Variants in SCNN1A observed in about 807,000 individuals in gnomAD.
SCNN1A encodes epithelial sodium channel subunit alpha.
SCNN1A carries 65 observed loss-of-function variants against 68.6 expected under a neutral mutation model. That is an observed-to-expected ratio of 0.95 (90% CI 0.78 to 1.16). SCNN1A has a LOEUF of 1.16. Among genes scored for constraint, SCNN1A ranks in the 50% most tolerant of loss-of-function variants. The pLI is 0.00. For missense variants in SCNN1A, 880 were observed against 865.9 expected, an observed-to-expected ratio of 1.02 and a Z score of -0.20; for synonymous variants, 357 against 353.3, an observed-to-expected ratio of 1.01 and a Z score of -0.12.
At chr12:6,359,072 G>A (rs1948542421) in intron 4 of SCNN1A, among the ~76,000 whole-genome samples, 1 of 152,126 alleles carries the variant, frequency 6.6e-6, no homozygotes, top group Non-Finnish European at 1.5e-5. Flanking sequence ...GCAGAAGAGT[G>A]GCTCTCAGGG....
chr12:6,349,455 TACCCCAC>T, intron 8 of SCNN1A, 50 bp from the exon 9 acceptor site: 1 of 1,358,830 alleles, frequency 7.4e-7, no homozygotes, highest in Non-Finnish European at 1.0e-6. Context: ...CAGCTTTCTC[TACCCCAC>T]ACCCAAGAGG....
In SCNN1A at chr12:6,369,615, G is replaced by A. The variant is rs576066876; in HGVS notation, c.416+4753C>T. Among the ~76,000 whole-genome samples, 280 of 152,198 alleles carry A rather than the reference G, an allele frequency of 1.8e-3. 4 individuals carry two copies. The highest frequency in any genetic ancestry group is 6.0e-3 in the African/African-American group (249 of 41,498). ...TGGGAGGCCGAGGATGGTGGATCACGAGGTCAGGAGATTGAGACCATCCTG... is the reference window on the plus strand; with the variant it reads ...TGGGAGGCCGAGGATGGTGGATCACAAGGTCAGGAGATTGAGACCATCCTG... On this transcript the variant is annotated intron_variant, in intron 2 of 12. Transcript: ENST00000228916.
At chr12:6,375,250 C>T (rs1464182089) in intron 1 of SCNN1A, 2 of 1,438,576 alleles carry the variant, frequency 1.4e-6, no homozygotes, top group East Asian at 2.5e-5. Flanking sequence ...CTGCTCTCCT[C>T]TTTCTGGCCT....
At chr12:6,349,731 A>C in intron 8 of SCNN1A, 1 of 257,364 alleles carries the variant, frequency 3.9e-6, no homozygotes. Context: ...TTTTTAATAA[A>C]TTAATTTTTT....
In SCNN1A at chr12:6,349,199, C is replaced by G. The variant is rs761519316; in HGVS notation, c.1462G>C (p.Ala488Pro). The change falls in exon 10 of 13, where the codon GCT becomes CCT. Residue 488 changes from alanine to proline, a missense_variant. Physicochemically the swap from Ala to Pro is conservative, Grantham distance 27 (BLOSUM62 -1). This residue lies in a region of SCNN1A where 758 missense variants were observed against 721.8 expected (regional missense o/e 1.05). Transcript: ENST00000228916. ...ACCGAGGGCCATCGTGAGTAACCAG[C>G]AGAGAGCTGGTAGCTGGTCACGCTG... ...PCSVTSYQLS[A>P]GYSRWPSVTS... 1 of 1,614,170 alleles carries G rather than the reference C, an allele frequency of 6.2e-7. No individual in the cohort carries two copies. The highest frequency in any genetic ancestry group is 1.1e-5 in the South Asian group (1 of 91,082).
chr12:6,366,886 GGTGT>G (rs1038270240), intron 2 of SCNN1A, among the ~76,000 whole-genome samples: 2 of 152,060 alleles, frequency 1.3e-5, no homozygotes, highest in African/African-American at 4.8e-5. Flanking sequence ...GCAACTCAAA[GGTGT>G]GTTGAAGGTG....
intron 2 of SCNN1A, among the ~76,000 whole-genome samples, chr12:6,364,631 G>A (rs1400738349): frequency 1.3e-5 from 2 of 151,996 alleles, no homozygotes; most frequent in South Asian, 4.2e-4. Flanking sequence ...GCTTGGTGGC[G>A]GGCGCCTGTA....
intron 2 of SCNN1A, among the ~76,000 whole-genome samples, chr12:6,370,452 C>G (rs1355547448): frequency 6.6e-6 from 1 of 152,224 alleles, no homozygotes; most frequent in Non-Finnish European, 1.5e-5. Context: ...GAGGCTGACA[C>G]TCTGCTCTCT....
In SCNN1A at chr12:6,363,455, G is replaced by C; in HGVS notation, c.672C>G (p.Ile224Met). ...NPQVDWKDWK[I>M]GFQLCNQNKS... ...CTGCGGGCCTCACCAGCTGGAAGCC[G>C]ATCTTCCAGTCCTTCCAGTCCACCT... Residue 224 changes from isoleucine (I) to methionine (M), a missense_variant, in exon 3 of 13, where the codon ATC becomes ATG. This residue lies in a region of SCNN1A where 758 missense variants were observed against 721.8 expected (regional missense o/e 1.05). Coordinates refer to ENST00000228916, the MANE Select transcript of SCNN1A (RefSeq NM_001038.6). 2 of 1,591,960 alleles carry C rather than the reference G, an allele frequency of 1.3e-6. No individual in the cohort carries two copies. Among genetic ancestry groups the C allele is most frequent in the Non-Finnish European group, 1.7e-6 (2 of 1,171,064 alleles).
intron 2 of SCNN1A, among the ~76,000 whole-genome samples, chr12:6,371,349 C>G (rs1948786440): frequency 1.3e-5 from 2 of 152,106 alleles, no homozygotes; most frequent in South Asian, 4.2e-4. Flanking sequence ...ACAAATTGTC[C>G]TCCAATGACT....
rs368229905 is a variant in SCNN1A at position 6,362,009 on chromosome 12, C to T, written c.875+42G>A. The T allele has an allele frequency of 1.9e-5, 30 of 1,603,682 alleles. No individual in the cohort carries two copies. The Middle Eastern group carries it at 7.5e-4, about 40-fold the overall frequency. ...AGGGCGTGAGGCTGACCCAGGGAAG[C>T]GGACCCCGCGGAGAGCAAGGAGCCA... On this transcript the variant is annotated intron_variant, in intron 4 of 12. Coordinates refer to ENST00000228916, the MANE Select transcript of SCNN1A (RefSeq NM_001038.6).
intron 2 of SCNN1A, among the ~76,000 whole-genome samples, chr12:6,364,543 C>T (rs943149988): frequency 6.6e-6 from 1 of 151,888 alleles, no homozygotes; most frequent in African/African-American, 2.4e-5. Context: ...ATCACGGGGT[C>T]AGGGTATCGA....
chr12:6,366,223 A>G (rs1948677563), intron 2 of SCNN1A, among the ~76,000 whole-genome samples: 1 of 152,218 alleles, frequency 6.6e-6, no homozygotes, highest in African/African-American at 2.4e-5. Context: ...TGATACGATC[A>G]TTTTGGAAAA....
At chr12:6,358,859 CAAAAAAAAAAA>C (rs35673511) in intron 4 of SCNN1A, among the ~76,000 whole-genome samples, 2 of 83,604 alleles carry the variant, frequency 2.4e-5, no homozygotes, top group Admixed American at 1.5e-4. Flanking sequence ...GAACCTGTCT[CAAAAAAAAAAA>C]AAAAAAAAAG....
upstream of SCNN1A, chr12:6,375,870 G>A (rs898904067): frequency 1.6e-5 from 21 of 1,296,368 alleles, no homozygotes; most frequent in South Asian, 9.1e-5. Context: ...TGGGGAACCG[G>A]GAGGACAGGA....
rs755461944 is a variant in SCNN1A at position 6,355,291 on chromosome 12, G to T, written c.1124C>A (p.Thr375Asn). The T allele has an allele frequency of 1.2e-6, 2 of 1,613,308 alleles. No homozygotes were observed. The highest frequency in any genetic ancestry group is 1.7e-6 in the Non-Finnish European group (2 of 1,179,656). ...CCTTGCCTTCCTCATGCTGATGGAG[G>T]TCTCCACGCCAGGCCGCAAGTTAAA... ...GGFNLRPGVE[T>N]SISMRKETLD... The change falls in exon 6 of 13, where the codon ACC (threonine) becomes AAC (asparagine). Residue 375 changes from threonine to asparagine, a missense_variant. Thr to Asn is a moderately conservative substitution (Grantham distance 65). Coordinates refer to ENST00000228916, the MANE Select transcript of SCNN1A (RefSeq NM_001038.6).
chr12:6,357,220 C>T (rs907599883), intron 4 of SCNN1A, among the ~76,000 whole-genome samples: 1 of 152,064 alleles, frequency 6.6e-6, no homozygotes, highest in African/African-American at 2.4e-5. Context: ...CCATGGAAAG[C>T]AGGCACAAGT....
At chr12:6,356,523 C>T (rs756202646) in intron 4 of SCNN1A, 11 of 166,696 alleles carry the variant, frequency 6.6e-5, no homozygotes, top group Admixed American at 3.9e-4. Flanking sequence ...GTGGTGAGCA[C>T]GGAGCTGAGG....
chr12:6,353,393 C>T (rs1948423235), intron 8 of SCNN1A, among the ~76,000 whole-genome samples: 1 of 151,846 alleles, frequency 6.6e-6, no homozygotes, highest in Admixed American at 6.6e-5. Flanking sequence ...TTCCTGCTCC[C>T]CAGGGAAGTG....
Sources: allele counts gnomAD v4.1 joint callset (sites outside exome capture counted in the v4.1 genomes callset), GRCh38; gene constraint gnomAD v4.1.1; regional missense constraint gnomAD v4.1.1; transcripts MANE v1.5; gene names NCBI Gene and HGNC (gene_info 2026-07-23, HGNC 2026-07-21).